The following RHPN2 variants were observed in gnomAD, a reference collection of about 807,000 sequenced individuals.
The protein encoded by RHPN2 is rhophilin Rho GTPase binding protein 2, also known as rhophilin-2.
RHPN2 carries 40 observed loss-of-function variants against 79.0 expected under a neutral mutation model. The ratio of observed to expected loss-of-function variants is 0.51; its 90% CI spans 0.39 to 0.66. The LOEUF (loss-of-function observed/expected upper bound fraction) is 0.66, where lower values mean the gene tolerates loss of function less well. Ranked by LOEUF, RHPN2 falls within the 30% of genes least tolerant of loss-of-function variation. RHPN2 has a pLI of 0.00. For missense variants in RHPN2, 686 were observed against 883.5 expected, an observed-to-expected ratio of 0.78 and a Z score of 2.83; for synonymous variants, 285 against 363.5, an observed-to-expected ratio of 0.78 and a Z score of 2.46.
In RHPN2 at chr19:32,990,605, G is replaced by T. The variant is rs752356242; in HGVS notation, c.1709C>A (p.Thr570Lys). 6.2e-7 allele frequency: 1 copy of T among 1,613,670 alleles called. No homozygotes were observed. Among genetic ancestry groups the T allele is most frequent in the African/African-American group, 1.3e-5 (1 of 74,842 alleles). The change falls in exon 14 of 15, where the codon ACG becomes AAG. Residue 570 changes from threonine to lysine, a missense_variant. Transcript: ENST00000254260. ...SIQLVDCKWL[T>K]LSEVMKLLKS... ...CAGCAGCTTCATAACCTCACTCAGC[G>T]TCAGCCACTTACAATCCACAAGCTG...
chr19:33,003,227 G>A (rs988208047), intron 7 of RHPN2, among the ~76,000 whole-genome samples: 2 of 151,646 alleles, frequency 1.3e-5, no homozygotes, highest in African/African-American at 2.4e-5. Flanking sequence ...GTGTGATGGT[G>A]TGCGACTATA....
chr19:32,996,040 G>T lies in RHPN2; in HGVS notation c.1406C>A (p.Ala469Asp). ...AGGCTACTCACCAACAACACTGGGG[G>T]CGTCGATCAGGTTCAGCAGGTCATC... ...EEDDLLNLIDAPSVVAKTEQE... is the reference protein window; with the variant it reads ...EEDDLLNLIDDPSVVAKTEQE... Residue 469 changes from alanine (A) to aspartate (D), a missense_variant, in exon 11 of 15, where the codon GCC becomes GAC. Transcript: ENST00000254260. 1 of 1,613,988 alleles carries T rather than the reference G, an allele frequency of 6.2e-7. No individual in the cohort carries two copies. Among genetic ancestry groups the T allele is most frequent in the Non-Finnish European group, 8.5e-7 (1 of 1,179,874 alleles).
intron 2 of RHPN2, among the ~76,000 whole-genome samples, chr19:33,029,226 G>A (rs776594671): frequency 6.6e-6 from 1 of 151,952 alleles, no homozygotes; most frequent in Non-Finnish European, 1.5e-5. Context: ...CAATGAATCA[G>A]AATAAAAGTC....
intron 5 of RHPN2, 44 bp from the exon 6 acceptor site, chr19:33,011,847 C>A (rs747881582): frequency 6.2e-7 from 1 of 1,613,482 alleles, no homozygotes; most frequent in Non-Finnish European, 8.5e-7. Flanking sequence ...GAGGAGGACA[C>A]AGCTGATGGC....
chr19:33,049,737 T>G (rs1252790764), intron 1 of RHPN2, among the ~76,000 whole-genome samples: 1 of 152,108 alleles, frequency 6.6e-6, no homozygotes, highest in African/African-American at 2.4e-5. Context: ...TCGGCCCGCT[T>G]ATGTGGACCC....
intron 1 of RHPN2, 76 bp from the exon 2 acceptor site, chr19:33,044,440 ATG>A: frequency 1.1e-6 from 1 of 915,238 alleles, no homozygotes; most frequent in Non-Finnish European, 1.8e-6. Flanking sequence ...ATAATGGAAA[ATG>A]TTTAACTTTA....
chr19:33,064,684 T>G, intron 1 of RHPN2, 100 bp downstream of exon 1: 2 of 1,175,384 alleles, frequency 1.7e-6, no homozygotes, highest in Non-Finnish European at 1.2e-6. Flanking sequence ...CCTCCCGGCC[T>G]AGTGGACCCC....
chr19:32,999,733 C>A, intron 9 of RHPN2, 28 bp from the exon 10 acceptor site: 2 of 1,607,042 alleles, frequency 1.2e-6, no homozygotes, highest in Non-Finnish European at 8.5e-7. Flanking sequence ...GGTTAAATCC[C>A]CTCTCATGGA....
At position 33,012,531 on chromosome 19, in the gene RHPN2, C is replaced by G. The variant is rs772716789; in HGVS notation, c.468+116G>C. On this transcript the variant is annotated intron_variant, in intron 5 of 14. Transcript: ENST00000254260. ...GTGGAATGGATGATTCCAGCACCCC[C>G]CAACCATCACCTCTATCCACCCGCG... 21 of 786,138 alleles carry G rather than the reference C, an allele frequency of 2.7e-5. No homozygotes were observed. The East Asian group carries it at 5.1e-4, about 19-fold the overall frequency. 48.7% of individuals were successfully genotyped at this position (786,138 alleles called of 1,614,324 possible). A position where few individuals can be genotyped will look rare whatever the true frequency, so the allele number is the denominator to read the frequency against.
At chr19:33,047,023 A>G (rs1972148100) in intron 1 of RHPN2, among the ~76,000 whole-genome samples, 1 of 152,052 alleles carries the variant, frequency 6.6e-6, no homozygotes, top group Non-Finnish European at 1.5e-5. Context: ...ACGTCCGGCT[A>G]ATTGTTCCAT....
At chr19:33,016,596 G>A (rs7247855) in intron 4 of RHPN2, among the ~76,000 whole-genome samples, 43,515 of 151,842 alleles carry the variant, frequency 0.29, 7,050 homozygotes, top group East Asian at 0.5. Flanking sequence ...CAGGAGAATC[G>A]CTTGAACCTG....
chr19:33,047,509 C>T (rs1000573331), intron 1 of RHPN2, among the ~76,000 whole-genome samples: 3 of 152,134 alleles, frequency 2.0e-5, no homozygotes, highest in Non-Finnish European at 4.4e-5. Context: ...TCCTCTTTGC[C>T]GCTTATCTCT....
At chr19:33,030,225 A>T (rs1972000066) in intron 2 of RHPN2, among the ~76,000 whole-genome samples, 1 of 152,152 alleles carries the variant, frequency 6.6e-6, no homozygotes, top group Non-Finnish European at 1.5e-5. Context: ...AGAAAATAAG[A>T]TACTGGAGGC....
At chr19:32,984,109 T>C (rs1439934047) in intron 14 of RHPN2, among the ~76,000 whole-genome samples, 1 of 152,122 alleles carries the variant, frequency 6.6e-6, no homozygotes, top group Non-Finnish European at 1.5e-5. Context: ...GTTACACAGC[T>C]TGTGAACGGC....
Position 33,064,773 on chromosome 19 carries a change from A to G in RHPN2, c.69+11T>C. On this transcript the variant is annotated intron_variant, in intron 1 of 14. Transcript: ENST00000254260. ...CCGCAGGTCCCCGCCCGCCCGCCCG[A>G]AGCCGCCCACCTTCCGAAAGTAGCC... 1.6e-6 allele frequency: 1 copy of G among 609,956 alleles called. No homozygotes were observed. Among genetic ancestry groups the G allele is most frequent in the South Asian group, 1.7e-5 (1 of 58,510 alleles). The allele number at this position is 609,956 out of a possible 1,614,324, so 37.8% of individuals were successfully genotyped here.
chr19:32,996,004 G>T (rs1971697579), intron 11 of RHPN2, 22 bp downstream of exon 11: 3 of 1,613,514 alleles, frequency 1.9e-6, no homozygotes, highest in Non-Finnish European at 2.5e-6. Context: ...CCCACAGAGG[G>T]AACACAGTCT....
chr19:33,059,552 G>A (rs754803384), intron 1 of RHPN2, among the ~76,000 whole-genome samples: 2 of 151,934 alleles, frequency 1.3e-5, no homozygotes, highest in Non-Finnish European at 2.9e-5. Flanking sequence ...CGCCTGCCTC[G>A]GCCTCCCAAA....
intron 2 of RHPN2, among the ~76,000 whole-genome samples, chr19:33,034,260 C>G (rs967859054): frequency 1.3e-5 from 2 of 151,760 alleles, no homozygotes; most frequent in Non-Finnish European, 2.9e-5. Context: ...ATCACGAGGT[C>G]TGGAGTTTGA....
chr19:33,003,376 A>G (rs1189399475), intron 7 of RHPN2, among the ~76,000 whole-genome samples: 5 of 137,808 alleles, frequency 3.6e-5, no homozygotes, highest in East Asian at 2.3e-4. Flanking sequence ...AAAAAAAAAA[A>G]AAAAAAGGAA....
Sources: gnomAD v4.1 joint callset for allele counts (sites outside exome capture counted in the v4.1 genomes callset) on GRCh38, gnomAD v4.1.1 for gene constraint, MANE v1.5 for transcripts, NCBI Gene and HGNC (gene_info 2026-07-23, HGNC 2026-07-21) for gene names.